The following CAPZB variants were observed in gnomAD, a reference collection of about 807,000 sequenced individuals.
The protein encoded by CAPZB is capping actin protein of muscle Z-line subunit beta, also known as F-actin-capping protein subunit beta.
CAPZB carries 2 observed loss-of-function variants against 38.1 expected under a neutral mutation model. That is an observed-to-expected ratio of 0.05 (90% CI 0.02 to 0.17). The LOEUF (loss-of-function observed/expected upper bound fraction) is 0.17, where lower values mean the gene tolerates loss of function less well. Among genes scored for constraint, CAPZB ranks in the 10% least tolerant of loss-of-function variants. The pLI is 1.00. For missense variants in CAPZB, 161 were observed against 334.2 expected (o/e 0.48, Z 4.04); for synonymous variants, 107 against 127.4 (o/e 0.84, Z 1.08).
chr1:19,432,667 T>G (rs949303100), intron 1 of CAPZB, among the ~76,000 whole-genome samples: 2 of 152,212 alleles, frequency 1.3e-5, no homozygotes, highest in Non-Finnish European at 2.9e-5. Flanking sequence ...AGGTGGCTCT[T>G]GGGTACCCCA....
intron 4 of CAPZB, among the ~76,000 whole-genome samples, chr1:19,371,595 C>T (rs938213714): frequency 1.3e-5 from 2 of 152,166 alleles, no homozygotes; most frequent in Non-Finnish European, 2.9e-5. Context: ...CTCTCCATTC[C>T]GTGGCTGGGC....
intron 1 of CAPZB, among the ~76,000 whole-genome samples, chr1:19,471,214 C>T (rs1012115366): frequency 5.9e-5 from 9 of 152,044 alleles, no homozygotes; most frequent in African/African-American, 1.5e-4. Flanking sequence ...GGGTTGATGG[C>T]GGGTGACTGA....
intron 4 of CAPZB, among the ~76,000 whole-genome samples, chr1:19,366,283 A>AATAT (rs201882034): frequency 0.015 from 905 of 60,440 alleles, 53 homozygotes; most frequent in African/African-American, 0.037. Flanking sequence ...CGTGTCTTAA[A>AATAT]ATATATATAT....
intron 1 of CAPZB, among the ~76,000 whole-genome samples, chr1:19,445,454 A>G (rs984759070): frequency 6.6e-6 from 1 of 152,052 alleles, no homozygotes; most frequent in African/African-American, 2.4e-5. Flanking sequence ...CCTTCTGATT[A>G]TAAATGGAAC....
At chr1:19,483,689 A>C (rs916180121) in intron 1 of CAPZB, among the ~76,000 whole-genome samples, 1 of 152,132 alleles carries the variant, frequency 6.6e-6, no homozygotes, top group African/African-American at 2.4e-5. Context: ...GCCCACTTTC[A>C]AAGTCCTCAC....
At chr1:19,455,062 G>C (rs908410371) in intron 1 of CAPZB, among the ~76,000 whole-genome samples, 2 of 152,248 alleles carry the variant, frequency 1.3e-5, no homozygotes, top group African/African-American at 4.8e-5. Flanking sequence ...AGGGCCCGGA[G>C]GGCTTGGAAC....
intron 1 of CAPZB, chr1:19,484,431 C>T (rs2094643289): frequency 6.6e-7 from 1 of 1,513,458 alleles, no homozygotes; most frequent in Non-Finnish European, 8.8e-7. Context: ...CCCCGGCCTG[C>T]CCTGCAGAAT....
At chr1:19,374,530 G>C (rs1288648428) in intron 4 of CAPZB, 1 of 152,492 alleles carries the variant, frequency 6.6e-6, no homozygotes, top group Middle Eastern at 3.4e-3. Context: ...CGCAGGCCAA[G>C]CTCTAGCTTG....
At chr1:19,446,060 T>TA (rs1283359817) in intron 1 of CAPZB, among the ~76,000 whole-genome samples, 2 of 152,120 alleles carry the variant, frequency 1.3e-5, no homozygotes, top group Non-Finnish European at 1.5e-5. Context: ...GCTCAACAGA[T>TA]AACCTGAGAG....
rs11586038 is a variant in CAPZB, at chr1:19,380,503, C to T, written c.216-1850G>A. Among the ~76,000 whole-genome samples the T allele has an allele frequency of 8.1e-3, 1,235 of 152,364 alleles. 17 individuals carry two copies. The highest frequency in any genetic ancestry group is 0.027 in the African/African-American group (1,116 of 41,582). ...GGAAGACAGGCGTGCCGCCCACAATCGATGCCTCAGTTCTCCTGAGAAGCC... is the reference window on the plus strand; with the variant it reads ...GGAAGACAGGCGTGCCGCCCACAATTGATGCCTCAGTTCTCCTGAGAAGCC... On this transcript the variant is annotated intron_variant, in intron 3 of 8. Transcript: ENST00000264202.
At chr1:19,447,794 C>T (rs2100678682) in intron 1 of CAPZB, among the ~76,000 whole-genome samples, 1 of 152,352 alleles carries the variant, frequency 6.6e-6, no homozygotes, top group South Asian at 2.1e-4. Flanking sequence ...CTGCTCCTCT[C>T]CGCCTCGGTG....
intron 1 of CAPZB, among the ~76,000 whole-genome samples, chr1:19,438,638 G>A (rs960226337): frequency 2.0e-5 from 3 of 152,218 alleles, no homozygotes; most frequent in Admixed American, 2.0e-4. Flanking sequence ...CCTCGCTTAA[G>A]CGCGGGGCCA....
At chr1:19,354,318 G>A (rs1039507480) in intron 6 of CAPZB, among the ~76,000 whole-genome samples, 13 of 152,250 alleles carry the variant, frequency 8.5e-5, no homozygotes, top group Admixed American at 3.9e-4. Context: ...AAGCACAGGC[G>A]TTTTTCCAAG....
At chr1:19,462,865 A>G (rs1408649992) in intron 1 of CAPZB, among the ~76,000 whole-genome samples, 5 of 152,216 alleles carry the variant, frequency 3.3e-5, no homozygotes, top group Admixed American at 2.0e-4. Context: ...ATTTCAGTCC[A>G]CTAAAATGAA....
intron 1 of CAPZB, among the ~76,000 whole-genome samples, chr1:19,440,154 T>C (rs2094471121): frequency 6.6e-6 from 1 of 152,170 alleles, no homozygotes. Flanking sequence ...TTTCTTTTCT[T>C]TTTGTTTTTC....
chr1:19,385,624 G>C lies in CAPZB; in HGVS notation c.96C>G (p.Val32=). Residue 32 remains valine (V), a splice_region_variant and synonymous_variant, in exon 3 of 9, where the codon GTC becomes GTG. Coordinates refer to ENST00000264202, the MANE Select transcript of CAPZB (RefSeq NM_004930.5). ...ACAGGAGATCCTCACATAGACTGGG[G>C]ACCTGGCAGAGAGAAAGGACAAGGT... is the stretch of plus-strand genomic sequence containing the variant. The part of the protein sequence containing the change: ...EKNLSDLIDL[V]PSLCEDLLSS... 6.2e-7 allele frequency: 1 copy of C among 1,614,174 alleles called. No individual in the cohort carries two copies. The highest frequency in any genetic ancestry group is 8.5e-7 in the Non-Finnish European group (1 of 1,180,028).
chr1:19,366,175 G>A (rs2094084182), intron 4 of CAPZB, among the ~76,000 whole-genome samples: 1 of 151,744 alleles, frequency 6.6e-6, no homozygotes, highest in African/African-American at 2.4e-5. Context: ...GGTCAGGCAT[G>A]GTGGCTCACG....
At chr1:19,458,665 G>T (rs1163750876) in intron 1 of CAPZB, among the ~76,000 whole-genome samples, 1 of 152,176 alleles carries the variant, frequency 6.6e-6, no homozygotes, top group Non-Finnish European at 1.5e-5. Flanking sequence ...CTTATGCAAG[G>T]TTTAATAACT....
chr1:19,389,516 C>T lies in CAPZB; in HGVS notation c.94-3890G>A, dbSNP rs1415051223. On this transcript the variant is annotated intron_variant, in intron 2 of 8. Transcript: ENST00000264202. Reference sequence around the variant, plus strand: ...GATCTCGGCTCACTGCAAGCTCCGCCTCCCAGGTTCATGCCATTCTCCTGC... The same window carrying T: ...GATCTCGGCTCACTGCAAGCTCCGCTTCCCAGGTTCATGCCATTCTCCTGC... 3.9e-5 allele frequency among the ~76,000 whole-genome samples: 6 copies of T among 152,116 alleles called. No homozygotes were observed. In the East Asian group the frequency reaches 1.2e-3, roughly 29 times the overall value.
Sources: allele counts gnomAD v4.1 joint callset (sites outside exome capture counted in the v4.1 genomes callset), GRCh38; gene constraint gnomAD v4.1.1; transcripts MANE v1.5; gene names NCBI Gene and HGNC (gene_info 2026-07-23, HGNC 2026-07-21).